SYNE1: variants seen among roughly 807,000 people sequenced by gnomAD.
The protein encoded by SYNE1 is nesprin-1.
SYNE1 carries 616 observed loss-of-function variants against 1,111.0 expected under a neutral mutation model. The ratio of observed to expected loss-of-function variants is 0.55; its 90% CI spans 0.52 to 0.59. The LOEUF (loss-of-function observed/expected upper bound fraction) is 0.59. SYNE1 is among the 20% of genes least tolerant of loss of function. The pLI, the probability that SYNE1 is intolerant of heterozygous loss-of-function variation, is 0.00. For synonymous variants in SYNE1, 3,855 were observed against 3,825.8 expected (o/e 1.01, Z -0.28); for missense variants, 10,006 against 10,417.0 (o/e 0.96, Z 1.72).
chr6:152,498,517 GAA>G (rs1686620870), intron 11 of SYNE1, among the ~76,000 whole-genome samples: 1 of 152,114 alleles, frequency 6.6e-6, no homozygotes, highest in Non-Finnish European at 1.5e-5. Context: ...ATTTTATAAT[GAA>G]AGATTAATGG....
At chr6:152,306,717 CA>C (rs71556249) in intron 91 of SYNE1, among the ~76,000 whole-genome samples, 52 of 139,730 alleles carry the variant, frequency 3.7e-4, no homozygotes, top group South Asian at 1.1e-3. Context: ...CTCTACTCTA[CA>C]AAAAAAAAAA....
intron 16 of SYNE1, among the ~76,000 whole-genome samples, chr6:152,470,961 A>C (rs879772079): frequency 2.0e-5 from 3 of 152,216 alleles, no homozygotes; most frequent in Non-Finnish European, 2.9e-5. Context: ...GTTACAGAGC[A>C]AACAAATTCT....
intron 51 of SYNE1, among the ~76,000 whole-genome samples, chr6:152,392,514 A>G (rs945063701): frequency 3.3e-5 from 5 of 152,168 alleles, no homozygotes; most frequent in African/African-American, 1.2e-4. Context: ...TATTGTGACT[A>G]CTAGAAAAAG....
At chr6:152,337,067 A>G (rs2096407604) in intron 75 of SYNE1, 50 bp from the exon 76 acceptor site, 1 of 1,573,488 alleles carries the variant, frequency 6.4e-7, no homozygotes, top group African/African-American at 1.3e-5. Context: ...GGAAACATTT[A>G]TGGTTAATGA....
At chr6:152,267,948 T>A (rs2092858274) in intron 100 of SYNE1, 108 bp downstream of exon 100, 1 of 974,264 alleles carries the variant, frequency 1.0e-6, no homozygotes, top group Non-Finnish European at 1.6e-6. Context: ...ATAAGATGAC[T>A]AAATTTTGCA....
chr6:152,511,074 A>T lies in SYNE1; in HGVS notation c.339T>A (p.Asp113Glu). The change falls in exon 7 of 146, where the codon GAT (aspartate) becomes GAA (glutamate). Residue 113 changes from aspartate (D) to glutamate (E), a missense_variant. By Grantham distance (45) the Asp-to-Glu change is conservative. Coordinates refer to ENST00000367255, the MANE Select transcript of SYNE1 (RefSeq NM_182961.4). Reference sequence around the variant, plus strand: ...CTATTGAGGGTCGGCCATCAGCTATATCGGTGGAGTTAATGTTGACTAATT... The same window carrying T: ...CTATTGAGGGTCGGCCATCAGCTATTTCGGTGGAGTTAATGTTGACTAATT... Reference protein sequence around the residue: ...KIKLVNINSTDIADGRPSIVL... With the variant: ...KIKLVNINSTEIADGRPSIVL... The T allele has an allele frequency of 6.2e-7, 1 of 1,614,058 alleles. No homozygotes were observed. Among genetic ancestry groups the T allele is most frequent in the Non-Finnish European group, 8.5e-7 (1 of 1,179,916 alleles).
At chr6:152,136,098 T>A (rs370042941) in intron 141 of SYNE1, among the ~76,000 whole-genome samples, 2 of 152,350 alleles carry the variant, frequency 1.3e-5, no homozygotes, top group Non-Finnish European at 2.9e-5. Context: ...ACTTTTATCA[T>A]CCACGTCTGC....
At chr6:152,354,038 G>A (rs113430294) in intron 67 of SYNE1, among the ~76,000 whole-genome samples, 11 of 152,286 alleles carry the variant, frequency 7.2e-5, no homozygotes, top group Non-Finnish European at 1.2e-4. Context: ...TGCTTGGGAG[G>A]CTGAGGCAGG....
At chr6:152,232,009 A>G (rs1365136911) in intron 113 of SYNE1, 107 bp downstream of exon 113, 1 of 841,362 alleles carries the variant, frequency 1.2e-6, no homozygotes, top group African/African-American at 1.7e-5. Flanking sequence ...GTCACTGTGT[A>G]GGAAACATAC....
At chr6:152,450,594 C>T (rs776626898) in intron 27 of SYNE1, 31 bp downstream of exon 27, 3 of 1,566,968 alleles carry the variant, frequency 1.9e-6, no homozygotes, top group East Asian at 2.2e-5. Context: ...AGTTTGACTA[C>T]ACCCCTCTCT....
chr6:152,605,010 G>GAAAGAAAGAA (rs1565140105), intron 3 of SYNE1, among the ~76,000 whole-genome samples: 5 of 35,370 alleles, frequency 1.4e-4, no homozygotes, highest in Non-Finnish European at 2.4e-4. Context: ...GAAAGAAAGA[G>GAAAGAAAGAA]AGAGAGAGAG....
intron 127 of SYNE1, among the ~76,000 whole-genome samples, chr6:152,193,525 C>G (rs1476510823): frequency 6.6e-6 from 1 of 152,028 alleles, no homozygotes; most frequent in Non-Finnish European, 1.5e-5. Context: ...GCCATGTTGA[C>G]CAGGTTGGTC....
At chr6:152,465,482 A>T (rs946090861) in intron 17 of SYNE1, 22 bp from the exon 18 acceptor site, 3 of 1,602,658 alleles carry the variant, frequency 1.9e-6, no homozygotes, top group Admixed American at 1.7e-5. Flanking sequence ...AAAACCAATT[A>T]TAACCCTTAT....
chr6:152,415,434 C>T (rs1034879153), intron 41 of SYNE1, among the ~76,000 whole-genome samples: 3 of 152,118 alleles, frequency 2.0e-5, no homozygotes, highest in Admixed American at 6.5e-5. Flanking sequence ...AGTTCATCAC[C>T]TTCCTAAGCT....
chr6:152,277,586 C>A (rs774026511), intron 98 of SYNE1: 6 of 187,116 alleles, frequency 3.2e-5, no homozygotes, highest in Non-Finnish European at 5.6e-5. Flanking sequence ...CGGCGCCCTG[C>A]CCACATTCCT....
At chr6:152,626,135 TTCC>T (rs1201530207) in intron 3 of SYNE1, among the ~76,000 whole-genome samples, 1 of 152,168 alleles carries the variant, frequency 6.6e-6, no homozygotes, top group Non-Finnish European at 1.5e-5. Context: ...ACTCTTCACT[TTCC>T]TCTCACCCCT....
chr6:152,236,681 C>T (rs2084155086), intron 109 of SYNE1, 136 bp downstream of exon 109: 6 of 1,130,082 alleles, frequency 5.3e-6, no homozygotes, highest in Non-Finnish European at 7.9e-6. Flanking sequence ...ATAACAGAAA[C>T]ATTATCTCCT....
At chr6:152,165,878 G>A (rs755261738) in intron 130 of SYNE1, among the ~76,000 whole-genome samples, 14 of 152,154 alleles carry the variant, frequency 9.2e-5, no homozygotes, top group East Asian at 1.9e-4. Context: ...GCATTTGATC[G>A]ACCACAGCAT....
intron 85 of SYNE1, chr6:152,318,473 G>A (rs2095791478): frequency 1.6e-6 from 1 of 628,240 alleles, no homozygotes; most frequent in African/African-American, 1.8e-5. Context: ...ATGAGGCTGA[G>A]TGAGAAGGCT....
Sources: gnomAD v4.1 joint callset for allele counts (sites outside exome capture counted in the v4.1 genomes callset) on GRCh38, gnomAD v4.1.1 for gene constraint, MANE v1.5 for transcripts, NCBI Gene and HGNC (gene_info 2026-07-23, HGNC 2026-07-21) for gene names.